SLC49A4: variants seen among roughly 807,000 people sequenced by gnomAD.
SLC49A4 encodes the protein disrupted in renal cancer protein 2.
Under a neutral mutation model 50.6 loss-of-function variants are expected in SLC49A4, and 36 were observed. The ratio of observed to expected loss-of-function variants is 0.71; its 90% confidence interval spans 0.55 to 0.94. The LOEUF is 0.94. Ranked by LOEUF, SLC49A4 falls within the 40% of genes least tolerant of loss-of-function variation. The pLI, the probability that SLC49A4 is intolerant of heterozygous loss-of-function variation, is 0.00. For synonymous variants in SLC49A4, 248 were observed against 241.2 expected, an observed-to-expected ratio of 1.03 and a Z score of -0.26; for missense variants, 503 against 605.7, an observed-to-expected ratio of 0.83 and a Z score of 1.78.
At chr3:122,796,876 C>T (rs542952521) in intron 1 of SLC49A4, among the ~76,000 whole-genome samples, 2 of 152,084 alleles carry the variant, frequency 1.3e-5, no homozygotes, top group South Asian at 2.1e-4. Context: ...GGGCAAGACT[C>T]GTCTCAGAAA....
In SLC49A4 at chr3:122,835,389, T is replaced by G. The variant is rs1459473542; in HGVS notation, c.833+1943T>G. 2.0e-5 allele frequency among the ~76,000 whole-genome samples: 3 copies of G among 152,140 alleles called. No individual in the cohort carries two copies. In the East Asian group the frequency reaches 5.8e-4, roughly 29 times the overall value. ...AAAATCCTTAATAAAAACACTAGCT[T>G]ACTGAATCCAACAGCACATCAGAAA... On this transcript the variant is annotated intron_variant, in intron 4 of 8. Transcript: ENST00000261038.
At chr3:122,797,033 G>A (rs1025001140) in intron 1 of SLC49A4, among the ~76,000 whole-genome samples, 9 of 152,178 alleles carry the variant, frequency 5.9e-5, no homozygotes, top group African/African-American at 1.4e-4. Flanking sequence ...GAATAGCAGG[G>A]TGATGTTAGT....
At chr3:122,820,408 G>T (rs1936434199) in intron 2 of SLC49A4, among the ~76,000 whole-genome samples, 1 of 152,146 alleles carries the variant, frequency 6.6e-6, no homozygotes, top group Non-Finnish European at 1.5e-5. Context: ...GGTTATCTAG[G>T]TGAGGTCTGA....
intron 5 of SLC49A4, among the ~76,000 whole-genome samples, chr3:122,853,347 G>A (rs971840241): frequency 6.6e-6 from 1 of 152,168 alleles, no homozygotes; most frequent in Non-Finnish European, 1.5e-5. Context: ...TCAGACCATA[G>A]CAGCACCTTT....
chr3:122,872,992 G>A (rs1576313230), intron 8 of SLC49A4, among the ~76,000 whole-genome samples: 1 of 152,232 alleles, frequency 6.6e-6, no homozygotes, highest in East Asian at 1.9e-4. Flanking sequence ...AACACAGGGT[G>A]TAAATTAATG....
chr3:122,827,038 G>T lies in SLC49A4; in HGVS notation c.676G>T (p.Asp226Tyr), dbSNP rs139292426. 1.0e-3 allele frequency: 1,672 copies of T among 1,613,440 alleles called. 3 individuals carry two copies. Among genetic ancestry groups the T allele is most frequent in the Non-Finnish European group, 9.4e-4 (1,104 of 1,179,468 alleles). The change falls in exon 3 of 9, where the codon GAT becomes TAT. Residue 226 changes from aspartate to tyrosine, a missense_variant. By Grantham distance (160) the Asp-to-Tyr change is radical. Transcript: ENST00000261038. The stretch of plus-strand genomic sequence containing the variant: ...AGAGAGCAGCAGGGCGCATATTAAA[G>T]ATCGCATAGAGGCTGTGTTATATGC... ...AAESSRAHIK[D>Y]RIEAVLYAEF...
At chr3:122,828,295 C>G (rs1463341635) in intron 3 of SLC49A4, among the ~76,000 whole-genome samples, 2 of 152,126 alleles carry the variant, frequency 1.3e-5, no homozygotes, top group South Asian at 2.1e-4. Context: ...AAACCAAAGG[C>G]CTACAATTGC....
chr3:122,836,466 T>A (rs1936688470), intron 4 of SLC49A4, among the ~76,000 whole-genome samples: 1 of 152,182 alleles, frequency 6.6e-6, no homozygotes. Context: ...CTTTTTTGGT[T>A]GTGTCTCTGC....
intron 4 of SLC49A4, among the ~76,000 whole-genome samples, chr3:122,839,368 G>A (rs1383395689): frequency 1.3e-5 from 2 of 152,002 alleles, no homozygotes; most frequent in Non-Finnish European, 2.9e-5. Flanking sequence ...AAAAGCAAAT[G>A]CAACAAAAAC....
intron 6 of SLC49A4, among the ~76,000 whole-genome samples, chr3:122,858,925 A>C (rs1233217770): frequency 6.6e-6 from 1 of 152,230 alleles, no homozygotes; most frequent in Non-Finnish European, 1.5e-5. Context: ...CTTTAGTTTC[A>C]TGAAAACTCA....
chr3:122,860,779 A>C (rs1184878580), intron 7 of SLC49A4, among the ~76,000 whole-genome samples: 1 of 152,196 alleles, frequency 6.6e-6, no homozygotes, highest in Non-Finnish European at 1.5e-5. Flanking sequence ...TCTATTTTCT[A>C]TTGCTGCTGT....
At chr3:122,819,787 C>T (rs1327418037) in intron 2 of SLC49A4, among the ~76,000 whole-genome samples, 1 of 151,498 alleles carries the variant, frequency 6.6e-6, no homozygotes, top group Non-Finnish European at 1.5e-5. Context: ...GCACTTTTGC[C>T]ATTTTCAACA....
intron 5 of SLC49A4, among the ~76,000 whole-genome samples, chr3:122,855,651 C>A (rs17279806): frequency 0.05 from 7,681 of 152,134 alleles, 267 homozygotes; most frequent in Middle Eastern, 0.11. Context: ...TAGATGGAGA[C>A]GCCTCATCAG....
intron 7 of SLC49A4, among the ~76,000 whole-genome samples, chr3:122,870,744 T>C (rs1937185826): frequency 6.7e-6 from 1 of 149,764 alleles, no homozygotes; most frequent in African/African-American, 2.5e-5. Flanking sequence ...ACCGGGGAGG[T>C]GGAAGTTGGC....
Position 122,795,524 on chromosome 3 carries a change from T to A in SLC49A4, c.332T>A (p.Leu111Gln). Residue 111 changes from leucine to glutamine, a missense_variant, in exon 1 of 9, where the codon CTG becomes CAG. Physicochemically the swap from Leu to Gln is moderately radical, Grantham distance 113. Transcript: ENST00000261038. ...CCCTGCTTCGCGTTCATGTGGCTCC[T>A]GGACAAGAGAGGTGAGGGGTCGCGG... ...FLPCFAFMWL[L>Q]DKRGLRITVL... 1 of 1,597,968 alleles carries A rather than the reference T, an allele frequency of 6.3e-7. No homozygotes were observed. Among genetic ancestry groups the A allele is most frequent in the South Asian group, 1.1e-5 (1 of 90,246 alleles).
chr3:122,818,819 C>T (rs985468841), intron 2 of SLC49A4, among the ~76,000 whole-genome samples: 1 of 151,966 alleles, frequency 6.6e-6, no homozygotes, highest in South Asian at 2.1e-4. Context: ...TGGGGTGTGC[C>T]TGTAGTCCCA....
rs149935680 is a variant in SLC49A4, at chr3:122,827,040, T to A, written c.678T>A (p.Asp226Glu). 40 of 1,613,586 alleles carry A rather than the reference T, an allele frequency of 2.5e-5. No individual in the cohort carries two copies. The African/African-American group carries it at 4.9e-4, about 20-fold the overall frequency. Residue 226 changes from aspartate (D) to glutamate (E), a missense_variant, in exon 3 of 9, where the codon GAT becomes GAA. Physicochemically the swap from Asp to Glu is conservative, Grantham distance 45. Transcript: ENST00000261038. Reference sequence around the variant, plus strand: ...AGAGCAGCAGGGCGCATATTAAAGATCGCATAGAGGCTGTGTTATATGCAG... The same window carrying A: ...AGAGCAGCAGGGCGCATATTAAAGAACGCATAGAGGCTGTGTTATATGCAG... ...AAESSRAHIK[D>E]RIEAVLYAEF...
At chr3:122,803,317 G>C (rs1936160605) in intron 1 of SLC49A4, among the ~76,000 whole-genome samples, 1 of 152,192 alleles carries the variant, frequency 6.6e-6, no homozygotes, top group Non-Finnish European at 1.5e-5. Context: ...TTGGAGAAGA[G>C]CTTCAGGAAG....
At chr3:122,843,403 T>A (rs1334385707) in intron 4 of SLC49A4, among the ~76,000 whole-genome samples, 5 of 152,222 alleles carry the variant, frequency 3.3e-5, no homozygotes, top group African/African-American at 1.2e-4. Context: ...CAACTCCATT[T>A]CATCCAGAAA....
Sources: gnomAD v4.1 joint callset for allele counts (sites outside exome capture counted in the v4.1 genomes callset) on GRCh38, gnomAD v4.1.1 for gene constraint, MANE v1.5 for transcripts, NCBI Gene and HGNC (gene_info 2026-07-23, HGNC 2026-07-21) for gene names.